PCNX1: variants seen among roughly 807,000 people sequenced by gnomAD.
PCNX1 encodes the protein pecanex 1.
In PCNX1, 78 loss-of-function variants were observed where a neutral mutation model predicts 242.2. The observed-to-expected ratio is 0.32, with a 90% CI of 0.27 to 0.39. PCNX1 has a LOEUF of 0.39. Among genes scored for constraint, PCNX1 ranks in the 10% least tolerant of loss-of-function variants. The pLI, the probability that PCNX1 is intolerant of heterozygous loss-of-function variation, is 1.00. For synonymous variants in PCNX1, 1,024 were observed against 1,032.9 expected (o/e 0.99, Z 0.17); for missense variants, 2,581 against 2,856.5 (o/e 0.90, Z 2.20).
At chr14:70,956,940 C>T (rs530150205) in intron 2 of PCNX1, among the ~76,000 whole-genome samples, 55 of 152,050 alleles carry the variant, frequency 3.6e-4, no homozygotes, top group African/African-American at 1.3e-3. Context: ...AAATAAAGCA[C>T]GTACTGCTAT....
At chr14:70,985,236 T>C (rs1473959804) in intron 6 of PCNX1, among the ~76,000 whole-genome samples, 1 of 152,204 alleles carries the variant, frequency 6.6e-6, no homozygotes, top group Non-Finnish European at 1.5e-5. Context: ...TTATTTTAGA[T>C]GGAGTTTCAC....
chr14:70,962,107 A>G, intron 2 of PCNX1, 119 bp from the exon 3 acceptor site: 3 of 665,828 alleles, frequency 4.5e-6, no homozygotes, highest in Non-Finnish European at 8.1e-6. Context: ...TATTTGCTGG[A>G]TTAAAAATCA....
chr14:71,023,712 G>A (rs2060165391), intron 13 of PCNX1, among the ~76,000 whole-genome samples: 2 of 152,044 alleles, frequency 1.3e-5, no homozygotes, highest in African/African-American at 4.8e-5. Context: ...CGTGACTTTA[G>A]ACAAAAATAT....
rs1247812114 is a variant in PCNX1, at chr14:71,115,165, T to C, written c.*5230T>C. 3 of 152,618 alleles carry C rather than the reference T, an allele frequency of 2.0e-5. No individual in the cohort carries two copies. Among genetic ancestry groups the C allele is most frequent in the African/African-American group, 7.2e-5 (3 of 41,438 alleles). 9.5% of individuals were successfully genotyped at this position (152,618 alleles called of 1,614,324 possible). The stretch of plus-strand genomic sequence containing the variant: ...TGGGCTCTGGAAAGTATTCATGGCC[T>C]TTACCAGCATTCAGTATAAACCAGA... On this transcript the variant is annotated 3_prime_UTR_variant, in exon 36 of 36. Transcript: ENST00000304743.
intron 26 of PCNX1, among the ~76,000 whole-genome samples, chr14:71,071,166 TGGATCA>T (rs2061577222): frequency 6.6e-6 from 1 of 152,262 alleles, no homozygotes; most frequent in African/African-American, 2.4e-5. Context: ...AGCTTTGCTC[TGGATCA>T]GGCTTTGGCT....
chr14:70,988,626 CAGGCAGTACGGCGCCG>C lies in PCNX1; in HGVS notation c.2372_2387del (p.Gln791ArgfsTer19). On this transcript the variant is annotated frameshift_variant, in exon 7 of 36. Transcript: ENST00000304743. LOFTEE classifies it high-confidence loss of function. The stretch of plus-strand genomic sequence containing the variant: ...CCGTGAACGCAGCACATTTAGGCGC[CAGGCAGTACGGCGCCG>C]GCACAATGCAGGGAGTAACCCTACC... The C allele has an allele frequency of 6.2e-7, 1 of 1,614,112 alleles. No individual in the cohort carries two copies. The highest frequency in any genetic ancestry group is 8.5e-7 in the Non-Finnish European group (1 of 1,179,992).
chr14:71,073,413 C>G lies in PCNX1; in HGVS notation c.4853-132C>G, dbSNP rs1268437264. The G allele has an allele frequency of 1.2e-5, 10 of 865,112 alleles. No individual in the cohort carries two copies. In the East Asian group the frequency reaches 2.0e-4, roughly 17 times the overall value. The allele number at this position is 865,112 out of a possible 1,614,324, so 53.6% of individuals were successfully genotyped here. ...TTGCTACAATTTGTTAATGAATATT[C>G]TAAGGCAAATCCATCACATACTTTC... On this transcript the variant is annotated intron_variant, in intron 26 of 35. Transcript: ENST00000304743.
intron 1 of PCNX1, among the ~76,000 whole-genome samples, chr14:70,939,563 G>A (rs1469487753): frequency 6.6e-6 from 1 of 152,184 alleles, no homozygotes; most frequent in Non-Finnish European, 1.5e-5. Context: ...TGTGTCGTCA[G>A]TTTTGGAATA....
intron 1 of PCNX1, among the ~76,000 whole-genome samples, chr14:70,925,967 T>C (rs2056576392): frequency 6.6e-6 from 1 of 152,164 alleles, no homozygotes; most frequent in African/African-American, 2.4e-5. Context: ...TACCTGTGAT[T>C]GATTTGACAT....
intron 8 of PCNX1, among the ~76,000 whole-genome samples, chr14:71,009,358 G>A (rs184872327): frequency 3.3e-5 from 5 of 152,242 alleles, no homozygotes; most frequent in African/African-American, 7.2e-5. Flanking sequence ...AGAATGTGCC[G>A]TGGGAAAAAG....
intron 1 of PCNX1, among the ~76,000 whole-genome samples, chr14:70,918,428 T>A (rs1055481214): frequency 2.7e-4 from 41 of 152,236 alleles, no homozygotes; most frequent in Non-Finnish European, 5.9e-5. Context: ...GATTTTACTA[T>A]TTTATTTTAG....
Position 70,907,702 on chromosome 14 carries a change from C to G in PCNX1, c.-149C>G. On this transcript the variant is annotated 5_prime_UTR_variant, in exon 1 of 36. Transcript: ENST00000304743. ...GCCTCCTCCTCCTCCTGCAGCAGCA[C>G]CAGCGACCGCCGAAGCGCCGGCTCG... is the stretch of plus-strand genomic sequence containing the variant. The G allele has an allele frequency of 1.0e-6, 1 of 990,892 alleles. No homozygotes were observed. Among genetic ancestry groups the G allele is most frequent in the Non-Finnish European group, 1.3e-6 (1 of 789,096 alleles). 61.4% of individuals were successfully genotyped at this position (990,892 alleles called of 1,614,324 possible).
Position 71,051,868 on chromosome 14 carries a change from C to G in PCNX1, c.4448-15C>G. ...CTCAGATGAATGTCAGTGTCCTTAA[C>G]TAGTTTTCCCATAGATTCAGCCATG... On this transcript the variant is annotated splice_polypyrimidine_tract_variant and intron_variant, in intron 23 of 35. Coordinates refer to ENST00000304743, the MANE Select transcript of PCNX1 (RefSeq NM_014982.3). 1 of 1,609,442 alleles carries G rather than the reference C, an allele frequency of 6.2e-7. No individual in the cohort carries two copies. Among genetic ancestry groups the G allele is most frequent in the Non-Finnish European group, 8.5e-7 (1 of 1,178,308 alleles).
intron 1 of PCNX1, among the ~76,000 whole-genome samples, chr14:70,913,425 A>C (rs920922328): frequency 2.0e-5 from 3 of 152,206 alleles, no homozygotes; most frequent in Non-Finnish European, 4.4e-5. Flanking sequence ...GACCCTTGAA[A>C]AACACTTAAG....
At position 71,110,466 on chromosome 14, in the gene PCNX1, T is replaced by C. The variant is rs1409413229; in HGVS notation, c.*531T>C. Reference sequence around the variant, plus strand: ...TAGATTTATCTTATTCCTTGAGCGCTAAAAACTTTAATAAAAAAAACTGCA... The same window carrying C: ...TAGATTTATCTTATTCCTTGAGCGCCAAAAACTTTAATAAAAAAAACTGCA... On this transcript the variant is annotated 3_prime_UTR_variant, in exon 36 of 36. Transcript: ENST00000304743. 6.5e-6 allele frequency: 1 copy of C among 152,878 alleles called. No individual in the cohort carries two copies. Among genetic ancestry groups the C allele is most frequent in the Non-Finnish European group, 1.5e-5 (1 of 68,306 alleles). The allele number at this position is 152,878 out of a possible 1,614,324, so 9.5% of individuals were successfully genotyped here.
chr14:71,051,281 A>G (rs1051159837), intron 23 of PCNX1, among the ~76,000 whole-genome samples: 1 of 152,106 alleles, frequency 6.6e-6, no homozygotes, highest in Non-Finnish European at 1.5e-5. Context: ...TCTGAACATA[A>G]GAAAACTATA....
chr14:71,053,896 G>A (rs1221221972), intron 24 of PCNX1, among the ~76,000 whole-genome samples: 1 of 152,024 alleles, frequency 6.6e-6, no homozygotes, highest in Non-Finnish European at 1.5e-5. Context: ...AAGACAGCTG[G>A]ATTCTTGTAT....
Position 70,956,382 on chromosome 14 carries a change from A to G in PCNX1, c.363-5844A>G, listed in dbSNP as rs545665978. ...ATACAGTGAGACTCTGTCTCTACCA[A>G]AAAAATAAATAAATAAATAAAAAAT... On this transcript the variant is annotated intron_variant, in intron 2 of 35. Transcript: ENST00000304743. Among the ~76,000 whole-genome samples the G allele has an allele frequency of 3.9e-5, 6 of 151,976 alleles. No homozygotes were observed. The East Asian group carries it at 9.6e-4, about 24-fold the overall frequency.
At chr14:70,952,280 T>C (rs1177861412) in intron 2 of PCNX1, among the ~76,000 whole-genome samples, 2 of 152,216 alleles carry the variant, frequency 1.3e-5, no homozygotes, top group Admixed American at 6.5e-5. Context: ...AATTTTTTAT[T>C]GTGAAATATG....
Sources: gnomAD v4.1 joint callset for allele counts (sites outside exome capture counted in the v4.1 genomes callset) on GRCh38, gnomAD v4.1.1 for gene constraint, MANE v1.5 for transcripts, NCBI Gene and HGNC (gene_info 2026-07-23, HGNC 2026-07-21) for gene names.